Variants in APP observed in about 807,000 individuals in gnomAD.
APP encodes amyloid beta precursor protein, also known as amyloid-beta precursor protein.
In APP, 31 loss-of-function variants were observed where a neutral mutation model predicts 101.4. That is an observed-to-expected ratio of 0.31 (90% CI 0.23 to 0.41). APP has a LOEUF of 0.41. Among genes scored for constraint, APP ranks in the 10% least tolerant of loss-of-function variants. The pLI, the probability that APP is intolerant of heterozygous loss-of-function variation, is 1.00. For missense variants in APP, 839 were observed against 1,003.7 expected, an observed-to-expected ratio of 0.84 and a Z score of 2.22; for synonymous variants, 366 against 364.4, an observed-to-expected ratio of 1.00 and a Z score of -0.05.
At chr21:26,140,165 CA>C (rs2063012157) in intron 1 of APP, 2 of 1,535,346 alleles carry the variant, frequency 1.3e-6, no homozygotes, top group African/African-American at 1.4e-5. Context: ...AGTTGATAAA[CA>C]GAACCAACAA....
chr21:25,977,193 T>C (rs952714108), intron 9 of APP, among the ~76,000 whole-genome samples: 14 of 152,210 alleles, frequency 9.2e-5, no homozygotes, highest in African/African-American at 2.9e-4. Flanking sequence ...ATTAACCTGA[T>C]ACAAAAAGTA....
chr21:26,044,484 C>T (rs1159459145), intron 5 of APP, among the ~76,000 whole-genome samples: 1 of 152,144 alleles, frequency 6.6e-6, no homozygotes, highest in African/African-American at 2.4e-5. Flanking sequence ...CACATGATAT[C>T]CTAGATGAAT....
rs374595503 is a variant in APP, at chr21:25,908,803, T to C, written c.1909+2938A>G. On this transcript the variant is annotated intron_variant, in intron 14 of 17. Transcript: ENST00000346798. ...TACTATACCTCTGAGTTAGGAATTA[T>C]TGTCAACCTTATTTTACAGACGAGG... Among the ~76,000 whole-genome samples, 4 of 152,238 alleles carry C rather than the reference T, an allele frequency of 2.6e-5. No homozygotes were observed. In the South Asian group the frequency reaches 8.3e-4, roughly 32 times the overall value.
chr21:26,117,507 T>C (rs891922620), intron 1 of APP, among the ~76,000 whole-genome samples: 18 of 152,146 alleles, frequency 1.2e-4, no homozygotes, highest in African/African-American at 4.1e-4. Context: ...ATCACAAAAG[T>C]GGACCATAAG....
At chr21:25,977,449 A>T (rs986799057) in intron 9 of APP, among the ~76,000 whole-genome samples, 1 of 152,228 alleles carries the variant, frequency 6.6e-6, no homozygotes, top group African/African-American at 2.4e-5. Context: ...GTAGGTACTT[A>T]GCCTTAAGGA....
At chr21:26,142,540 C>T (rs762849699) in intron 1 of APP, among the ~76,000 whole-genome samples, 44 of 152,184 alleles carry the variant, frequency 2.9e-4, no homozygotes, top group Admixed American at 1.0e-3. Flanking sequence ...AGATAGAGGT[C>T]GGAGGCTCGC....
chr21:25,914,609 A>G (rs944505308), intron 13 of APP, among the ~76,000 whole-genome samples: 19 of 135,010 alleles, frequency 1.4e-4, no homozygotes, highest in African/African-American at 1.2e-4. Flanking sequence ...GCTGGAGTGC[A>G]GTGGCGCAAT....
intron 17 of APP, 44 bp downstream of exon 17, chr21:25,891,676 CAT>C (rs1372670656): frequency 2.5e-6 from 4 of 1,596,784 alleles, no homozygotes; most frequent in East Asian, 2.2e-5. Context: ...CTAATTCTCT[CAT>C]AGTCTTAATT....
At chr21:25,988,983 C>T (rs1484713971) in intron 8 of APP, among the ~76,000 whole-genome samples, 2 of 152,140 alleles carry the variant, frequency 1.3e-5, no homozygotes, top group East Asian at 3.9e-4. Context: ...CAATACCTGC[C>T]AGAGCTCTGT....
At chr21:26,092,427 T>TACTATATGACATTCTTCCC (rs2061844369) in intron 2 of APP, among the ~76,000 whole-genome samples, 5 of 152,188 alleles carry the variant, frequency 3.3e-5, no homozygotes, top group Admixed American at 3.3e-4. Flanking sequence ...ATAGGCTCCA[T>TACTATATGACATTCTTCCC]ACTATATGAC....
chr21:26,059,438 C>T (rs2046177730), intron 3 of APP, among the ~76,000 whole-genome samples: 1 of 152,156 alleles, frequency 6.6e-6, no homozygotes, highest in Non-Finnish European at 1.5e-5. Context: ...GCCTCGGTTT[C>T]CTTGTGCTAT....
intron 1 of APP, among the ~76,000 whole-genome samples, chr21:26,153,322 C>A (rs911898713): frequency 1.3e-5 from 2 of 152,070 alleles, no homozygotes; most frequent in Non-Finnish European, 2.9e-5. Context: ...AAATTTTAAG[C>A]CCTAAACTTC....
chr21:25,903,657 C>T (rs1334192601), intron 15 of APP, among the ~76,000 whole-genome samples: 2 of 152,106 alleles, frequency 1.3e-5, no homozygotes, highest in African/African-American at 4.8e-5. Context: ...ACCCTCAGCC[C>T]GAGGCCTTAC....
chr21:26,086,540 T>G (rs2061708140), intron 3 of APP, among the ~76,000 whole-genome samples: 1 of 130,308 alleles, frequency 7.7e-6, no homozygotes, highest in Admixed American at 8.6e-5. Context: ...TTAAGATAAT[T>G]TTATTTTGTT....
chr21:26,048,881 A>G (rs530889264), intron 5 of APP, among the ~76,000 whole-genome samples: 1 of 152,286 alleles, frequency 6.6e-6, no homozygotes, highest in Admixed American at 6.5e-5. Flanking sequence ...ACCCCATTTG[A>G]CAAAAAAAGG....
chr21:26,034,744 T>C (rs1283688158), intron 5 of APP, among the ~76,000 whole-genome samples: 4 of 151,674 alleles, frequency 2.6e-5, no homozygotes, highest in Admixed American at 2.0e-4. Flanking sequence ...TCAGGAACAA[T>C]GTCTAAAATT....
chr21:26,126,313 T>C (rs2062683801), intron 1 of APP, among the ~76,000 whole-genome samples: 1 of 152,232 alleles, frequency 6.6e-6, no homozygotes, highest in Non-Finnish European at 1.5e-5. Context: ...AAATGTTACG[T>C]GCATGGCTGT....
At chr21:25,974,348 C>A (rs2042147460) in intron 11 of APP, among the ~76,000 whole-genome samples, 2 of 152,070 alleles carry the variant, frequency 1.3e-5, no homozygotes. Flanking sequence ...GTCTCTCCCA[C>A]CCCCAATTCA....
chr21:25,893,266 C>G (rs890984567), intron 16 of APP, among the ~76,000 whole-genome samples: 1 of 152,146 alleles, frequency 6.6e-6, no homozygotes, highest in Non-Finnish European at 1.5e-5. Context: ...CTCCCTATCC[C>G]TTGAGAGACA....
Sources: gnomAD v4.1 joint callset for allele counts (sites outside exome capture counted in the v4.1 genomes callset) on GRCh38, gnomAD v4.1.1 for gene constraint, MANE v1.5 for transcripts, NCBI Gene and HGNC (gene_info 2026-07-23, HGNC 2026-07-21) for gene names.